PIWIL3: variants seen among roughly 807,000 people sequenced by gnomAD.
The protein encoded by PIWIL3 is piwi-like protein 3.
PIWIL3 carries 101 observed loss-of-function variants against 109.7 expected under a neutral mutation model. The observed-to-expected ratio is 0.92, with a 90% CI of 0.78 to 1.09. PIWIL3 has a LOEUF of 1.09. Among genes scored for constraint, PIWIL3 ranks in the 50% least tolerant of loss-of-function variants. The probability of loss-of-function intolerance (pLI) is 0.00; values close to 1 mark genes in which losing one functional copy is unlikely to be tolerated. For synonymous variants in PIWIL3, 373 were observed against 376.4 expected (o/e 0.99, Z 0.10); for missense variants, 1,031 against 1,072.6 (o/e 0.96, Z 0.54).
intron 12 of PIWIL3, among the ~76,000 whole-genome samples, chr22:24,738,947 A>T (rs1474850999): frequency 6.6e-6 from 1 of 152,196 alleles, no homozygotes; most frequent in Non-Finnish European, 1.5e-5. Flanking sequence ...ATAGCTATTT[A>T]AGAGGAAACT....
chr22:24,737,771 GCCCA>G (rs1923748103), intron 12 of PIWIL3, among the ~76,000 whole-genome samples: 1 of 152,156 alleles, frequency 6.6e-6, no homozygotes, highest in East Asian at 1.9e-4. Context: ...TGACTGAAGA[GCCCA>G]TGGACCTTAA....
At position 24,749,724 on chromosome 22, in the gene PIWIL3, G is replaced by A. The variant is rs1924590788; in HGVS notation, c.1185C>T (p.Ile395=). Residue 395 remains isoleucine (I), a synonymous_variant, in exon 10 of 21, where the codon ATC becomes ATT. Transcript: ENST00000616349. Reference sequence around the variant, plus strand: ...TGTGGCACAGCTGAGGAATCAGCAGGATAGGTTCACGTTGTGTACCCGTTA... The same window carrying A: ...TGTGGCACAGCTGAGGAATCAGCAGAATAGGTTCACGTTGTGTACCCGTTA... The part of the protein sequence containing the change: ...KGLTGTQREP[I]LLIPQLCHMT... The A allele has an allele frequency of 1.9e-6, 3 of 1,613,968 alleles. No homozygotes were observed. The highest frequency in any genetic ancestry group is 1.3e-5 in the African/African-American group (1 of 74,892).
At chr22:24,754,947 C>A (rs1359540827) in intron 6 of PIWIL3, 83 bp from the exon 7 acceptor site, 1 of 1,054,732 alleles carries the variant, frequency 9.5e-7, no homozygotes, top group Non-Finnish European at 1.5e-6. Flanking sequence ...GAAAAAAAAT[C>A]TGTCAATGAC....
chr22:24,744,761 A>C (rs1326582615), intron 12 of PIWIL3, among the ~76,000 whole-genome samples: 1 of 152,218 alleles, frequency 6.6e-6, no homozygotes, highest in African/African-American at 2.4e-5. Flanking sequence ...GTATTATTAG[A>C]GCTAAGGAGA....
At position 24,751,480 on chromosome 22, in the gene PIWIL3, G is replaced by A. The variant is rs1476850601; in HGVS notation, c.996C>T (p.Tyr332=). 1.2e-6 allele frequency: 2 copies of A among 1,610,996 alleles called. No individual in the cohort carries two copies. Among genetic ancestry groups the A allele is most frequent in the African/African-American group, 1.3e-5 (1 of 74,730 alleles). ...IVLTKYNNKT[Y]RVDDIDWKQN... Reference sequence around the variant, plus strand: ...GCTTCCAATCAATATCATCTACTCTGTAGGTTTTGTTGTTGTATCTGTGGA... The same window carrying A: ...GCTTCCAATCAATATCATCTACTCTATAGGTTTTGTTGTTGTATCTGTGGA... Residue 332 remains tyrosine (Y), a synonymous_variant, in exon 9 of 21, where the codon TAC becomes TAT. Transcript: ENST00000616349.
chr22:24,756,857 A>C, intron 4 of PIWIL3, 152 bp from the exon 5 acceptor site: 1 of 638,702 alleles, frequency 1.6e-6, no homozygotes, highest in Non-Finnish European at 2.7e-6. Flanking sequence ...AGGCGGGTGG[A>C]TCACCTGACA....
chr22:24,737,523 C>T (rs1923728781), intron 12 of PIWIL3, among the ~76,000 whole-genome samples: 3 of 152,122 alleles, frequency 2.0e-5, no homozygotes, highest in Admixed American at 6.5e-5. Context: ...GCTGTTGTGG[C>T]TATGGGGAGA....
chr22:24,771,476 CAAAAA>C (rs60085341), intron 1 of PIWIL3, among the ~76,000 whole-genome samples: 16 of 114,424 alleles, frequency 1.4e-4, no homozygotes, highest in Non-Finnish European at 1.6e-4. Context: ...GACTCCATCT[CAAAAA>C]AAAAAAAAAA....
chr22:24,756,026 T>A, intron 5 of PIWIL3, 121 bp from the exon 6 acceptor site: 1 of 1,085,114 alleles, frequency 9.2e-7, no homozygotes, highest in Middle Eastern at 2.8e-4. Flanking sequence ...GGAGCAGTCT[T>A]TCCCACAAAA....
chr22:24,757,673 C>CACATATATATAAAATATGTATATATT (rs1925159248), intron 4 of PIWIL3, among the ~76,000 whole-genome samples: 1 of 133,684 alleles, frequency 7.5e-6, no homozygotes, highest in South Asian at 2.6e-4. Context: ...CACACACACA[C>CACATATATATAAAATATGTATATATT]ACACACACAC....
intron 16 of PIWIL3, among the ~76,000 whole-genome samples, chr22:24,726,743 G>A (rs1923024646): frequency 6.6e-6 from 1 of 152,100 alleles, no homozygotes; most frequent in Non-Finnish European, 1.5e-5. Context: ...AAAAAGTAGA[G>A]CAAAACAATA....
chr22:24,723,212 T>C lies in PIWIL3; in HGVS notation c.2275A>G (p.Arg759Gly), dbSNP rs770764144. Residue 759 changes from arginine (R) to glycine (G), a missense_variant, in exon 19 of 21, where the codon AGA becomes GGA. Coordinates refer to ENST00000616349, the MANE Select transcript of PIWIL3 (RefSeq NM_001255975.1). ...FIVVKKRINT[R>G]FFLKHGSNFQ... The stretch of plus-strand genomic sequence containing the variant: ...TTGCTTCCATGTTTAAGAAAAAATC[T>C]AGTGTTTATTCGTTTCTTCACCACA... 1.9e-6 allele frequency: 3 copies of C among 1,610,476 alleles called. No homozygotes were observed. The South Asian group carries it at 3.3e-5, about 18-fold the overall frequency.
In PIWIL3 at chr22:24,723,224, G is replaced by T; in HGVS notation, c.2263C>A (p.Arg755=). 6.2e-7 allele frequency: 1 copy of T among 1,610,494 alleles called. No individual in the cohort carries two copies. The change falls in exon 19 of 21, where the codon CGA becomes AGA. Residue 755 remains arginine, a synonymous_variant. Transcript: ENST00000616349. ...FTLAFIVVKK[R]INTRFFLKHG... ...TTAAGAAAAAATCTAGTGTTTATTC[G>T]TTTCTTCACCACAATGAAAGCTAGA...
rs1925539595 is a variant in PIWIL3, at chr22:24,763,087, C to T, written c.-22-566G>A. ...ATCACATCAAAAAGACTGACTGCCC[C>T]CCGAGTCAGCAGAGAAGCATCCTAT... On this transcript the variant is annotated intron_variant, in intron 1 of 20. Coordinates refer to ENST00000616349, the MANE Select transcript of PIWIL3 (RefSeq NM_001255975.1). Among the ~76,000 whole-genome samples the T allele has an allele frequency of 2.0e-5, 3 of 152,080 alleles. No individual in the cohort carries two copies. The South Asian group carries it at 6.2e-4, about 32-fold the overall frequency.
chr22:24,771,933 A>G (rs771613068), intron 1 of PIWIL3, among the ~76,000 whole-genome samples: 5 of 152,136 alleles, frequency 3.3e-5, no homozygotes, highest in Non-Finnish European at 5.9e-5. Flanking sequence ...TGACCTCGTG[A>G]TCCACCTGCA....
chr22:24,747,452 A>G (rs1924439581), intron 12 of PIWIL3, among the ~76,000 whole-genome samples: 1 of 152,196 alleles, frequency 6.6e-6, no homozygotes, highest in Admixed American at 6.5e-5. Context: ...AAAAATGGAT[A>G]TGTAGGATCA....
At chr22:24,739,879 T>C (rs1027339810) in intron 12 of PIWIL3, among the ~76,000 whole-genome samples, 1 of 151,602 alleles carries the variant, frequency 6.6e-6, no homozygotes, top group East Asian at 1.9e-4. Flanking sequence ...TGAAACCCCA[T>C]CTCTACTAAA....
intron 13 of PIWIL3, among the ~76,000 whole-genome samples, chr22:24,735,506 C>A (rs1217193820): frequency 6.6e-6 from 1 of 152,176 alleles, no homozygotes; most frequent in Non-Finnish European, 1.5e-5. Context: ...GTTCTTAATT[C>A]TCATACCTTC....
In PIWIL3 at chr22:24,735,811, G is replaced by A. The variant is rs1923622672; in HGVS notation, c.1531C>T (p.Leu511Phe). The A allele has an allele frequency of 6.2e-7, 1 of 1,613,644 alleles. No homozygotes were observed. The highest frequency in any genetic ancestry group is 1.1e-5 in the South Asian group (1 of 91,060). Residue 511 changes from leucine to phenylalanine, a missense_variant, in exon 13 of 21, where the codon CTC becomes TTC. Leu to Phe is a conservative substitution (Grantham distance 22). Coordinates refer to ENST00000616349, the MANE Select transcript of PIWIL3 (RefSeq NM_001255975.1). The stretch of plus-strand genomic sequence containing the variant: ...TGACTGCTCCTGCTATAGAGTATGA[G>A]CCAACTATGTAGTGGCATTGCATTA... ...LLNAMPLHSW[L>F]ILYSRSSHRE...
Sources: gnomAD v4.1 joint callset for allele counts (sites outside exome capture counted in the v4.1 genomes callset) on GRCh38, gnomAD v4.1.1 for gene constraint, MANE v1.5 for transcripts, NCBI Gene and HGNC (gene_info 2026-07-23, HGNC 2026-07-21) for gene names.